The following SCFD2 variants were observed in gnomAD, a reference collection of about 807,000 sequenced individuals.
SCFD2 encodes the protein sec1 family domain-containing protein 2.
In SCFD2, 54 loss-of-function variants were observed where a neutral mutation model predicts 58.9. That is an observed-to-expected ratio of 0.92 (90% CI 0.74 to 1.15). The LOEUF (loss-of-function observed/expected upper bound fraction) is 1.15. Ranked by LOEUF, SCFD2 falls within the 50% of genes most tolerant of loss-of-function variation. The probability of loss-of-function intolerance (pLI) is 0.00; values close to 1 mark genes in which losing one functional copy is unlikely to be tolerated. For synonymous variants in SCFD2, 321 were observed against 335.9 expected, an observed-to-expected ratio of 0.96 and a Z score of 0.49; for missense variants, 805 against 836.6, an observed-to-expected ratio of 0.96 and a Z score of 0.47.
chr4:53,236,055 G>A (rs1729596312), intron 4 of SCFD2, among the ~76,000 whole-genome samples: 1 of 152,184 alleles, frequency 6.6e-6, no homozygotes, highest in South Asian at 2.1e-4. Context: ...TTGATTCTGG[G>A]TGTGTAAGTG....
intron 5 of SCFD2, among the ~76,000 whole-genome samples, chr4:52,933,295 G>C (rs904647585): frequency 6.6e-6 from 1 of 151,982 alleles, no homozygotes; most frequent in Non-Finnish European, 1.5e-5. Context: ...CTTCTTACCC[G>C]GCCCGACCCC....
At chr4:53,304,685 T>A (rs1560438935) in intron 3 of SCFD2, among the ~76,000 whole-genome samples, 1 of 152,040 alleles carries the variant, frequency 6.6e-6, no homozygotes, top group Admixed American at 6.6e-5. Flanking sequence ...AGGTCATTTA[T>A]GTTCTTCTCT....
At chr4:53,081,672 A>G (rs1724150006) in intron 5 of SCFD2, among the ~76,000 whole-genome samples, 1 of 152,172 alleles carries the variant, frequency 6.6e-6, no homozygotes, top group Admixed American at 6.6e-5. Flanking sequence ...AAAAATTGAC[A>G]CATAATTCAC....
chr4:53,289,468 AT>A (rs758976184), intron 3 of SCFD2, among the ~76,000 whole-genome samples: 4 of 152,160 alleles, frequency 2.6e-5, no homozygotes, highest in Non-Finnish European at 4.4e-5. Context: ...GCAGAAAACT[AT>A]GGCAGATACA....
chr4:53,104,920 C>T (rs1380612435), intron 5 of SCFD2, among the ~76,000 whole-genome samples: 2 of 150,594 alleles, frequency 1.3e-5, no homozygotes, highest in Non-Finnish European at 1.5e-5. Flanking sequence ...GGAACAGCTC[C>T]GGTCTGCAGG....
chr4:52,888,464 C>A (rs575588518), intron 7 of SCFD2, among the ~76,000 whole-genome samples: 1 of 152,280 alleles, frequency 6.6e-6, no homozygotes, highest in South Asian at 2.1e-4. Context: ...TGCTTTCTTC[C>A]AATCTGCATA....
intron 5 of SCFD2, among the ~76,000 whole-genome samples, chr4:53,092,651 T>C (rs902190075): frequency 5.3e-5 from 8 of 151,926 alleles, no homozygotes; most frequent in African/African-American, 1.7e-4. Flanking sequence ...AAAAGAACTA[T>C]GGATATATGA....
chr4:53,289,389 C>CAAA (rs982776983), intron 3 of SCFD2, among the ~76,000 whole-genome samples: 1 of 151,542 alleles, frequency 6.6e-6, no homozygotes, highest in East Asian at 1.9e-4. Context: ...ACAACAACAA[C>CAAA]AAAAAAAATG....
At chr4:53,327,004 G>GA (rs112109042) in intron 2 of SCFD2, among the ~76,000 whole-genome samples, 14,328 of 122,108 alleles carry the variant, frequency 0.12, 1,044 homozygotes, top group South Asian at 0.24. Flanking sequence ...GTCCAAATAA[G>GA]AAAAAAAAAA....
chr4:53,012,704 A>G (rs1722122643), intron 5 of SCFD2, among the ~76,000 whole-genome samples: 1 of 152,084 alleles, frequency 6.6e-6, no homozygotes. Flanking sequence ...GCTCATCAGC[A>G]TGTTCTAGCC....
intron 2 of SCFD2, among the ~76,000 whole-genome samples, chr4:53,327,612 G>C (rs115269133): frequency 3.5e-3 from 527 of 152,270 alleles, no homozygotes; most frequent in African/African-American, 0.012. Flanking sequence ...AGTGATGGAG[G>C]CAGCATCCAC....
chr4:53,111,037 G>C (rs1244844453), intron 5 of SCFD2, among the ~76,000 whole-genome samples: 3 of 152,108 alleles, frequency 2.0e-5, no homozygotes, highest in African/African-American at 7.2e-5. Context: ...TCCTTTGCAG[G>C]GTCAAGGATG....
intron 5 of SCFD2, among the ~76,000 whole-genome samples, chr4:53,125,015 G>C (rs1374646331): frequency 6.6e-6 from 1 of 152,166 alleles, no homozygotes; most frequent in Non-Finnish European, 1.5e-5. Flanking sequence ...GATCACCCCG[G>C]GAGAAGGAAC....
intron 2 of SCFD2, among the ~76,000 whole-genome samples, 162 bp from the exon 3 acceptor site, chr4:53,313,925 A>G (rs747340659): frequency 2.6e-5 from 4 of 152,268 alleles, no homozygotes; most frequent in Non-Finnish European, 5.9e-5. Flanking sequence ...TCTAATTCAC[A>G]TAATTGGCAG....
At chr4:53,212,940 G>C (rs544502212) in intron 4 of SCFD2, among the ~76,000 whole-genome samples, 1 of 151,730 alleles carries the variant, frequency 6.6e-6, no homozygotes, top group South Asian at 2.1e-4. Flanking sequence ...TGAGAGAAAA[G>C]CCAGCAAACT....
intron 5 of SCFD2, among the ~76,000 whole-genome samples, chr4:53,053,788 T>C (rs2148834104): frequency 6.6e-6 from 1 of 152,298 alleles, no homozygotes; most frequent in Non-Finnish European, 1.5e-5. Flanking sequence ...TTCCCTTCTA[T>C]TTTCTTTTTA....
chr4:52,910,090 C>A (rs996449446), intron 6 of SCFD2, among the ~76,000 whole-genome samples: 1 of 152,234 alleles, frequency 6.6e-6, no homozygotes, highest in South Asian at 2.1e-4. Context: ...AGACTTCAAT[C>A]TTCAGCCATG....
chr4:52,957,319 A>G (rs1720734905), intron 5 of SCFD2: 1 of 152,212 alleles, frequency 6.6e-6, no homozygotes, highest in Admixed American at 6.5e-5. Flanking sequence ...TAAACATCAG[A>G]TGAACATGAA....
intron 5 of SCFD2, among the ~76,000 whole-genome samples, chr4:53,139,744 T>C (rs1417520797): frequency 2.0e-5 from 3 of 152,184 alleles, no homozygotes; most frequent in Non-Finnish European, 4.4e-5. Context: ...ATGATGACGA[T>C]GGTGGTTTTG....
Sources: allele counts gnomAD v4.1 joint callset (sites outside exome capture counted in the v4.1 genomes callset), GRCh38; gene constraint gnomAD v4.1.1; transcripts MANE v1.5; gene names NCBI Gene and HGNC (gene_info 2026-07-23, HGNC 2026-07-21).